Variants in ADAMTS3 observed in about 807,000 individuals in gnomAD.
The protein encoded by ADAMTS3 is ADAM metallopeptidase with thrombospondin type 1 motif 3, also known as A disintegrin and metalloproteinase with thrombospondin motifs 3.
In ADAMTS3, 73 loss-of-function variants were observed where a neutral mutation model predicts 129.0. The observed-to-expected ratio is 0.57, with a 90% CI of 0.47 to 0.69. The LOEUF (loss-of-function observed/expected upper bound fraction) is 0.69, where lower values mean the gene tolerates loss of function less well. Among genes scored for constraint, ADAMTS3 ranks in the 30% least tolerant of loss-of-function variants. The probability of loss-of-function intolerance (pLI) is 0.00; values close to 1 mark genes in which losing one functional copy is unlikely to be tolerated. For missense variants in ADAMTS3, 1,457 were observed against 1,514.5 expected (o/e 0.96, Z 0.63); for synonymous variants, 477 against 510.8 (o/e 0.93, Z 0.89).
chr4:72,403,251 G>A (rs1721969944), intron 4 of ADAMTS3, among the ~76,000 whole-genome samples: 1 of 152,030 alleles, frequency 6.6e-6, no homozygotes, highest in African/African-American at 2.4e-5. Context: ...TAAAAAGTTA[G>A]AAAAATCTGC....
rs374007228 is a variant in ADAMTS3, at chr4:72,460,671, T to C, written c.505-45700A>G. On this transcript the variant is annotated intron_variant, in intron 3 of 21. Coordinates refer to ENST00000286657, the MANE Select transcript of ADAMTS3 (RefSeq NM_014243.3). ...TGTCACTTAGATCCAAATTTGGGAA[T>C]ACTTGTAGCTACAATGTGTCAGAAA... Among the ~76,000 whole-genome samples the C allele has an allele frequency of 5.3e-5, 8 of 151,662 alleles. No homozygotes were observed. In the South Asian group the frequency reaches 1.0e-3, roughly 20 times the overall value.
In ADAMTS3 at chr4:72,455,997, TTTTACATATA is replaced by T. The variant is rs1560522296; in HGVS notation, c.505-41036_505-41027del. Among the ~76,000 whole-genome samples, 25 of 47,484 alleles carry T rather than the reference TTTTACATATA, an allele frequency of 5.3e-4. 9 individuals are homozygous for T. The highest frequency in any genetic ancestry group is 7.1e-4 in the Non-Finnish European group (18 of 25,496). The allele number at this position is 47,484 out of a possible 152,430, so 31.2% of individuals were successfully genotyped here. ...ACATATAGTATATATACTATATATA[TTTTACATATA>T]GTATATATACTATATATATATTTTA... On this transcript the variant is annotated intron_variant, in intron 3 of 21. Transcript: ENST00000286657.
chr4:72,281,789 T>G lies in ADAMTS3; in HGVS notation c.*1347A>C, dbSNP rs1005703846. On this transcript the variant is annotated 3_prime_UTR_variant, in exon 22 of 22. Transcript: ENST00000286657. ...AATATGTAATTGATATTAGTGTAAA[T>G]ATTTAGTACATAAAAATACTATCAA... 6.9e-6 allele frequency: 1 copy of G among 145,820 alleles called. No individual in the cohort carries two copies. Among genetic ancestry groups the G allele is most frequent in the Non-Finnish European group, 1.5e-5 (1 of 66,650 alleles). 9.0% of individuals were successfully genotyped at this position (145,820 alleles called of 1,614,324 possible).
intron 4 of ADAMTS3, among the ~76,000 whole-genome samples, chr4:72,410,451 C>G (rs1376890833): frequency 6.6e-6 from 1 of 152,120 alleles, no homozygotes; most frequent in Non-Finnish European, 1.5e-5. Flanking sequence ...TTGTTTCCCA[C>G]TGGTAGGATG....
chr4:72,538,953 A>G (rs1018533908), intron 3 of ADAMTS3, among the ~76,000 whole-genome samples: 4 of 152,154 alleles, frequency 2.6e-5, no homozygotes, highest in African/African-American at 9.6e-5. Flanking sequence ...GGAAAACTTG[A>G]TATCCACATG....
At chr4:72,337,244 T>A (rs1560477780) in intron 5 of ADAMTS3, among the ~76,000 whole-genome samples, 2 of 152,196 alleles carry the variant, frequency 1.3e-5, no homozygotes, top group African/African-American at 2.4e-5. Flanking sequence ...TTAGAATAAT[T>A]TGTATTTGAG....
chr4:72,567,299 C>T, intron 2 of ADAMTS3, 75 bp downstream of exon 2: 1 of 1,414,300 alleles, frequency 7.1e-7, no homozygotes. Context: ...ATTTCAGAAA[C>T]AATATTTTGC....
chr4:72,434,169 C>A (rs1722763670), intron 3 of ADAMTS3, among the ~76,000 whole-genome samples: 1 of 151,506 alleles, frequency 6.6e-6, no homozygotes, highest in Admixed American at 6.6e-5. Context: ...AAATGGAGCT[C>A]CCCCCCACCA....
chr4:72,434,224 C>T (rs1272796449), intron 3 of ADAMTS3, among the ~76,000 whole-genome samples: 2 of 151,588 alleles, frequency 1.3e-5, no homozygotes, highest in African/African-American at 4.8e-5. Flanking sequence ...ATATATGGTA[C>T]CATAACTGCA....
rs1718580379 is a variant in ADAMTS3, at chr4:72,456,048, CTATATATATATTTTACATAT to C, written c.505-41097_505-41078del. 6.3e-4 allele frequency among the ~76,000 whole-genome samples: 10 copies of C among 15,912 alleles called. 2 individuals are homozygous for C. The highest frequency in any genetic ancestry group is 1.9e-3 in the African/African-American group (10 of 5,132). 10.4% of individuals were successfully genotyped at this position (15,912 alleles called of 152,430 possible). ...ATATATTTTACATATAGTATATATACTATATATATATTTTACATATAGTATATATACTATATATATTTTAT... is the reference window on the plus strand; with the variant it reads ...ATATATTTTACATATAGTATATATACAGTATATATACTATATATATTTTAT... On this transcript the variant is annotated intron_variant, in intron 3 of 21. Transcript: ENST00000286657.
At position 72,350,039 on chromosome 4, in the gene ADAMTS3, T is replaced by A. The variant is rs564754144; in HGVS notation, c.662-10346A>T. Among the ~76,000 whole-genome samples the A allele has an allele frequency of 4.1e-4, 62 of 152,180 alleles. 1 individual carries two copies. The South Asian group carries it at 0.013, about 32-fold the overall frequency. ...AACAACGTTTGCTATCTAATATTAT[T>A]AATGGAATACTATAATTCCTAGTCC... On this transcript the variant is annotated intron_variant, in intron 4 of 21. Transcript: ENST00000286657.
rs541617698 is a variant in ADAMTS3, at chr4:72,463,843, CA to C, written c.505-48873del. 2.0e-3 allele frequency among the ~76,000 whole-genome samples: 300 copies of C among 151,852 alleles called. 2 individuals are homozygous for C. The highest frequency in any genetic ancestry group is 7.0e-3 in the African/African-American group (288 of 41,424). ...CAAAGAGTTCCACCCTGCCATTAACCAAAGAGAAGCCTCACTGAAAAGGATC... is the reference window on the plus strand; with the variant it reads ...CAAAGAGTTCCACCCTGCCATTAACCAAGAGAAGCCTCACTGAAAAGGATC... On this transcript the variant is annotated intron_variant, in intron 3 of 21. Transcript: ENST00000286657.
At chr4:72,513,702 A>G (rs1427248937) in intron 3 of ADAMTS3, among the ~76,000 whole-genome samples, 1 of 152,064 alleles carries the variant, frequency 6.6e-6, no homozygotes, top group East Asian at 1.9e-4. Flanking sequence ...TTAAATCTTA[A>G]ATATTCTTTT....
At chr4:72,471,127 A>G (rs1175683604) in intron 3 of ADAMTS3, among the ~76,000 whole-genome samples, 1 of 152,186 alleles carries the variant, frequency 6.6e-6, no homozygotes, top group East Asian at 1.9e-4. Flanking sequence ...TTCTTGAAAA[A>G]TAACGTGAGC....
chr4:72,477,566 C>A (rs1448096524), intron 3 of ADAMTS3, among the ~76,000 whole-genome samples: 1 of 151,902 alleles, frequency 6.6e-6, no homozygotes, highest in Non-Finnish European at 1.5e-5. Context: ...ATTTATAGCA[C>A]TAAATGCCCA....
chr4:72,560,204 T>C (rs1721869207), intron 2 of ADAMTS3, among the ~76,000 whole-genome samples: 3 of 132,616 alleles, frequency 2.3e-5, no homozygotes, highest in Admixed American at 8.2e-5. Context: ...AAGACTTAAA[T>C]GTAAAACCCA....
intron 3 of ADAMTS3, among the ~76,000 whole-genome samples, chr4:72,444,372 A>C (rs1247348060): frequency 6.6e-6 from 1 of 151,732 alleles, no homozygotes; most frequent in Non-Finnish European, 1.5e-5. Flanking sequence ...TCATGGTCTT[A>C]TCCTGGACAT....
intron 4 of ADAMTS3, among the ~76,000 whole-genome samples, chr4:72,364,653 C>CA (rs1347181150): frequency 4.7e-5 from 7 of 150,020 alleles, no homozygotes; most frequent in African/African-American, 1.7e-4. Context: ...CATAAGAAAA[C>CA]AAATGAAAAA....
chr4:72,339,649 T>G lies in ADAMTS3; in HGVS notation c.706A>C (p.Asn236His). 1.2e-6 allele frequency: 2 copies of G among 1,613,916 alleles called. No homozygotes were observed. Among genetic ancestry groups the G allele is most frequent in the Non-Finnish European group, 1.7e-6 (2 of 1,179,888 alleles). The change falls in exon 5 of 22, where the codon AAC becomes CAC. Residue 236 changes from asparagine (N) to histidine (H), a missense_variant. Coordinates refer to ENST00000286657, the MANE Select transcript of ADAMTS3 (RefSeq NM_014243.3). ...GTTTCATTCAGCTGCTGGTGGATGT[T>G]GCCATAAACAGTACCTAGATCATCA... ...GLDDLGTVYG[N>H]IHQQLNETMR...
Sources: gnomAD v4.1 joint callset for allele counts (sites outside exome capture counted in the v4.1 genomes callset) on GRCh38, gnomAD v4.1.1 for gene constraint, MANE v1.5 for transcripts, NCBI Gene and HGNC (gene_info 2026-07-23, HGNC 2026-07-21) for gene names.